Variants in NCAM2 observed in about 807,000 individuals in gnomAD.
The protein encoded by NCAM2 is neural cell adhesion molecule 2.
Under a neutral mutation model 98.1 loss-of-function variants are expected in NCAM2, and 30 were observed. The observed-to-expected ratio is 0.31, with a 90% CI of 0.23 to 0.41. The LOEUF is 0.41. Ranked by LOEUF, NCAM2 falls within the 10% of genes least tolerant of loss-of-function variation. The pLI, the probability that NCAM2 is intolerant of heterozygous loss-of-function variation, is 1.00. For synonymous variants in NCAM2, 368 were observed against 342.4 expected (o/e 1.07, Z -0.83); for missense variants, 867 against 1,005.8 (o/e 0.86, Z 1.87).
At chr21:21,213,747 T>A (rs2069754008) in intron 1 of NCAM2, among the ~76,000 whole-genome samples, 1 of 152,114 alleles carries the variant, frequency 6.6e-6, no homozygotes, top group Non-Finnish European at 1.5e-5. Flanking sequence ...TAACATCAAC[T>A]GAAAACATAA....
chr21:21,059,729 A>G (rs2065283287), intron 1 of NCAM2, among the ~76,000 whole-genome samples: 3 of 152,060 alleles, frequency 2.0e-5, no homozygotes, highest in Admixed American at 2.0e-4. Context: ...GTTTTATCCC[A>G]CAGAACACAT....
chr21:21,124,431 T>G (rs2066744277), intron 1 of NCAM2, among the ~76,000 whole-genome samples: 1 of 152,148 alleles, frequency 6.6e-6, no homozygotes, highest in Admixed American at 6.5e-5. Context: ...CTGAAACAGT[T>G]TAGGATTTTC....
chr21:21,310,168 T>A (rs1361553445), intron 5 of NCAM2, among the ~76,000 whole-genome samples: 1 of 152,204 alleles, frequency 6.6e-6, no homozygotes, highest in African/African-American at 2.4e-5. Flanking sequence ...ACTTTCTTCC[T>A]ACTTTATCCA....
intron 16 of NCAM2, among the ~76,000 whole-genome samples, chr21:21,519,780 G>A (rs1377247891): frequency 6.6e-6 from 1 of 151,982 alleles, no homozygotes; most frequent in Non-Finnish European, 1.5e-5. Context: ...ATCTTAATGA[G>A]GAATAGGGTT....
At chr21:21,483,481 T>A (rs553479993) in intron 15 of NCAM2, among the ~76,000 whole-genome samples, 1 of 152,062 alleles carries the variant, frequency 6.6e-6, no homozygotes, top group African/African-American at 2.4e-5. Context: ...ATTATTTTGA[T>A]CACCTCAACT....
rs2071419721 is a variant in NCAM2 at position 21,250,126 on chromosome 21, C to G, written c.56-30452C>G. On this transcript the variant is annotated intron_variant, in intron 1 of 17. Coordinates refer to ENST00000400546, the MANE Select transcript of NCAM2 (RefSeq NM_004540.5). ...TTTAGCTTGATTAAAATGGACAGGTCAACATAAGGCATTTCTAGTGGGAAT... is the reference window on the plus strand; with the variant it reads ...TTTAGCTTGATTAAAATGGACAGGTGAACATAAGGCATTTCTAGTGGGAAT... Among the ~76,000 whole-genome samples, 3 of 152,106 alleles carry G rather than the reference C, an allele frequency of 2.0e-5. No individual in the cohort carries two copies. In the South Asian group the frequency reaches 6.2e-4, roughly 31 times the overall value.
rs148114347 is a variant in NCAM2, at chr21:21,064,665, T to C, written c.55+66047T>C. ...ATTTGGCTTTTTCAGTAGAAATTCA[T>C]GTGGACAGTTTCTGGTAATAAAATC... On this transcript the variant is annotated intron_variant, in intron 1 of 17. Transcript: ENST00000400546. 2.0e-5 allele frequency among the ~76,000 whole-genome samples: 3 copies of C among 152,304 alleles called. No homozygotes were observed. In the East Asian group the frequency reaches 5.8e-4, roughly 29 times the overall value.
intron 9 of NCAM2, among the ~76,000 whole-genome samples, chr21:21,389,853 C>CTAT (rs889453196): frequency 6.6e-6 from 1 of 151,956 alleles, no homozygotes; most frequent in Non-Finnish European, 1.5e-5. Flanking sequence ...CATATTATGG[C>CTAT]TATTATTATT....
At chr21:21,155,643 CA>C (rs1394279747) in intron 1 of NCAM2, among the ~76,000 whole-genome samples, 1 of 151,752 alleles carries the variant, frequency 6.6e-6, no homozygotes, top group African/African-American at 2.4e-5. Context: ...GCTCCCTTTT[CA>C]AAATAATATC....
intron 10 of NCAM2, among the ~76,000 whole-genome samples, chr21:21,414,494 G>C (rs189214714): frequency 6.8e-6 from 1 of 147,182 alleles, no homozygotes; most frequent in Admixed American, 6.8e-5. Context: ...TTTTTGAGAG[G>C]GAGTCTCGCT....
intron 12 of NCAM2, among the ~76,000 whole-genome samples, chr21:21,464,712 A>T (rs1477524201): frequency 6.6e-6 from 1 of 152,136 alleles, no homozygotes; most frequent in African/African-American, 2.4e-5. Context: ...TCCTCTTCTC[A>T]TTCCATAATC....
chr21:21,521,840 TAAAC>T (rs1989033937), intron 16 of NCAM2, among the ~76,000 whole-genome samples: 1 of 151,450 alleles, frequency 6.6e-6, no homozygotes, highest in South Asian at 2.1e-4. Flanking sequence ...CAGGGAGAAA[TAAAC>T]AGAAGAAATA....
intron 1 of NCAM2, among the ~76,000 whole-genome samples, chr21:21,068,775 GTAT>G (rs1304494499): frequency 6.6e-6 from 1 of 151,998 alleles, no homozygotes; most frequent in Admixed American, 6.6e-5. Context: ...CTCCTCTTTT[GTAT>G]TATTATCTGC....
chr21:21,407,698 T>G (rs1183017841), intron 9 of NCAM2, among the ~76,000 whole-genome samples: 2 of 152,208 alleles, frequency 1.3e-5, no homozygotes, highest in Non-Finnish European at 2.9e-5. Flanking sequence ...CCTTAACAGT[T>G]GTAAATAAAT....
At chr21:21,062,414 A>T (rs553597260) in intron 1 of NCAM2, among the ~76,000 whole-genome samples, 1 of 152,258 alleles carries the variant, frequency 6.6e-6, no homozygotes, top group Non-Finnish European at 1.5e-5. Context: ...GTGATATTTG[A>T]CTGGTAAATC....
chr21:21,268,052 C>T (rs2072352794), intron 1 of NCAM2, among the ~76,000 whole-genome samples: 1 of 152,082 alleles, frequency 6.6e-6, no homozygotes, highest in South Asian at 2.1e-4. Context: ...ATTTTTGGCT[C>T]TTGTGAATTT....
rs75817827 is a variant in NCAM2, at chr21:21,160,190, C to T, written c.56-120388C>T. ...ATTTTTGCAGTATAAATATTTTCAG[C>T]GTGTGGACATCATGTGGACAAAAAG... On this transcript the variant is annotated intron_variant, in intron 1 of 17. Transcript: ENST00000400546. Among the ~76,000 whole-genome samples, 199 of 151,946 alleles carry T rather than the reference C, an allele frequency of 1.3e-3. 4 individuals carry two copies. The East Asian group carries it at 0.035, about 27-fold the overall frequency.
At chr21:21,469,196 AT>A (rs1236404916) in intron 14 of NCAM2, among the ~76,000 whole-genome samples, 2 of 152,016 alleles carry the variant, frequency 1.3e-5, no homozygotes, top group Admixed American at 6.6e-5. Flanking sequence ...TGACTTACTT[AT>A]CCATAATGTT....
chr21:21,440,817 C>G (rs1463373744), intron 12 of NCAM2, among the ~76,000 whole-genome samples: 1 of 152,094 alleles, frequency 6.6e-6, no homozygotes, highest in Admixed American at 6.5e-5. Flanking sequence ...TTAAAGATTT[C>G]AGAAATTCTA....
Sources: allele counts gnomAD v4.1 joint callset (sites outside exome capture counted in the v4.1 genomes callset), GRCh38; gene constraint gnomAD v4.1.1; transcripts MANE v1.5; gene names NCBI Gene and HGNC (gene_info 2026-07-23, HGNC 2026-07-21).